The following COX7B2 variants were observed in gnomAD, a reference collection of about 807,000 sequenced individuals.
COX7B2 encodes the protein cytochrome c oxidase subunit 7B2, also known as cytochrome c oxidase subunit 7B2, mitochondrial.
For synonymous variants in COX7B2, 37 were observed against 32.1 expected (o/e 1.15, Z -0.51); for missense variants, 109 against 95.9 (o/e 1.14, Z -0.57).
intron 2 of COX7B2, among the ~76,000 whole-genome samples, chr4:46,817,216 T>G (rs1230815222): frequency 6.6e-6 from 1 of 152,144 alleles, no homozygotes; most frequent in Non-Finnish European, 1.5e-5. Flanking sequence ...TAGGAAGAAT[T>G]AGAAGGAAAG....
At position 46,863,782 on chromosome 4, in the gene COX7B2, C is replaced by T. The variant is rs557950933; in HGVS notation, c.-104-18768G>A. Among the ~76,000 whole-genome samples, 12 of 152,192 alleles carry T rather than the reference C, an allele frequency of 7.9e-5. No homozygotes were observed. The South Asian group carries it at 2.3e-3, about 29-fold the overall frequency. On this transcript the variant is annotated intron_variant, in intron 1 of 2. Transcript: ENST00000355591. Reference sequence around the variant, plus strand: ...ATTTTATCTTAGAGGTCTATAAAAGCAATGTTTTCCTCCAGGATAACTTGA... The same window carrying T: ...ATTTTATCTTAGAGGTCTATAAAAGTAATGTTTTCCTCCAGGATAACTTGA...
chr4:46,759,925 T>G (rs1341213918), intron 2 of COX7B2, among the ~76,000 whole-genome samples: 1 of 150,182 alleles, frequency 6.7e-6, no homozygotes, highest in Non-Finnish European at 1.5e-5. Context: ...GTTATATAAG[T>G]CTTATCTTAT....
intron 2 of COX7B2, among the ~76,000 whole-genome samples, chr4:46,752,433 T>C (rs1715443977): frequency 6.6e-6 from 1 of 152,114 alleles, no homozygotes; most frequent in Admixed American, 6.6e-5. Flanking sequence ...CTGATTACCC[T>C]GGCCAGAACT....
chr4:46,760,768 A>G (rs1486374200), intron 2 of COX7B2, among the ~76,000 whole-genome samples: 1 of 152,216 alleles, frequency 6.6e-6, no homozygotes, highest in Non-Finnish European at 1.5e-5. Context: ...ATAAATAATT[A>G]ACATTAAAAA....
At chr4:46,769,411 AG>A (rs1716740723) in intron 2 of COX7B2, among the ~76,000 whole-genome samples, 1 of 152,252 alleles carries the variant, frequency 6.6e-6, no homozygotes, top group African/African-American at 2.4e-5. Context: ...ATGTCTGCAA[AG>A]CAATAATATG....
chr4:46,803,969 G>A (rs1022697304), intron 2 of COX7B2, among the ~76,000 whole-genome samples: 6 of 151,986 alleles, frequency 3.9e-5, no homozygotes, highest in Admixed American at 1.3e-4. Context: ...ATGAAGCTGC[G>A]GACCCTTGCA....
intron 2 of COX7B2, among the ~76,000 whole-genome samples, chr4:46,823,397 A>G (rs1294632149): frequency 6.6e-6 from 1 of 151,670 alleles, no homozygotes; most frequent in African/African-American, 2.4e-5. Context: ...ATTTAAAATG[A>G]TAGAAATGAA....
At chr4:46,797,130 G>A (rs1284667122) in intron 2 of COX7B2, among the ~76,000 whole-genome samples, 3 of 131,126 alleles carry the variant, frequency 2.3e-5, no homozygotes, top group Admixed American at 8.0e-5. Context: ...AAAAAGGAGA[G>A]TCAGGGTTAT....
intron 2 of COX7B2, among the ~76,000 whole-genome samples, chr4:46,781,856 AGCATTACCTGCCCACGCGGGCCTCAGCC>A (rs1717475130): frequency 6.6e-6 from 1 of 152,230 alleles, no homozygotes; most frequent in South Asian, 2.1e-4. Flanking sequence ...GGGGTCCCTC[AGCATTACCTGCCCACGCGGGCCTCAGCC>A]GCCTCCCCGT....
At chr4:46,836,505 T>C (rs1442591953) in intron 2 of COX7B2, among the ~76,000 whole-genome samples, 4 of 151,996 alleles carry the variant, frequency 2.6e-5, no homozygotes, top group Non-Finnish European at 5.9e-5. Context: ...GTAACACACA[T>C]AGAGCTGTCA....
intron 2 of COX7B2, among the ~76,000 whole-genome samples, chr4:46,747,877 G>A (rs1033069790): frequency 1.3e-5 from 2 of 151,188 alleles, no homozygotes; most frequent in African/African-American, 2.4e-5. Flanking sequence ...TGTCTTTAAC[G>A]TTACTATGAA....
At chr4:46,740,460 G>A (rs1368440745) in intron 2 of COX7B2, among the ~76,000 whole-genome samples, 1 of 152,010 alleles carries the variant, frequency 6.6e-6, no homozygotes, top group Non-Finnish European at 1.5e-5. Context: ...TTACCCATAT[G>A]TAAGTTATTT....
At chr4:46,758,720 G>C (rs993065572) in intron 2 of COX7B2, among the ~76,000 whole-genome samples, 3 of 152,068 alleles carry the variant, frequency 2.0e-5, no homozygotes, top group African/African-American at 7.2e-5. Context: ...AATAAGCATA[G>C]GAGCGTAGCC....
chr4:46,779,007 C>T (rs373977914), intron 2 of COX7B2, among the ~76,000 whole-genome samples: 1 of 152,112 alleles, frequency 6.6e-6, no homozygotes, highest in African/African-American at 2.4e-5. Flanking sequence ...AAAATTTTTA[C>T]ATTCATTGAT....
At chr4:46,754,418 T>A (rs373990457) in intron 2 of COX7B2, among the ~76,000 whole-genome samples, 1 of 149,550 alleles carries the variant, frequency 6.7e-6, no homozygotes, top group Admixed American at 6.8e-5. Flanking sequence ...TTGTAGGGAC[T>A]TGGATGAAGC....
intron 2 of COX7B2, among the ~76,000 whole-genome samples, chr4:46,794,708 G>A (rs994488697): frequency 1.3e-5 from 2 of 152,190 alleles, no homozygotes; most frequent in Non-Finnish European, 2.9e-5. Context: ...AGGTGGGCAT[G>A]ATTACTATGA....
intron 2 of COX7B2, among the ~76,000 whole-genome samples, chr4:46,778,181 G>T (rs1717259954): frequency 1.3e-5 from 2 of 152,048 alleles, no homozygotes; most frequent in Non-Finnish European, 2.9e-5. Context: ...ATCAAATTCT[G>T]TGATAAGAAC....
At position 46,837,494 on chromosome 4, in the gene COX7B2, A is replaced by T. The variant is rs900222548; in HGVS notation, c.-50+7466T>A. 2.6e-5 allele frequency among the ~76,000 whole-genome samples: 4 copies of T among 152,124 alleles called. No individual in the cohort carries two copies. The East Asian group carries it at 7.7e-4, about 29-fold the overall frequency. ...TTCATAGTGACTAAAAGCACATTAC[A>T]TTGCCAGAATCTGTTGGGAAGGTAG... On this transcript the variant is annotated intron_variant, in intron 2 of 2. Coordinates refer to ENST00000355591, the MANE Select transcript of COX7B2 (RefSeq NM_130902.3).
intron 2 of COX7B2, among the ~76,000 whole-genome samples, chr4:46,819,722 C>A (rs930877591): frequency 2.0e-5 from 3 of 152,128 alleles, no homozygotes; most frequent in Non-Finnish European, 4.4e-5. Flanking sequence ...GTATATAATT[C>A]TACTTATTAC....
Sources: gnomAD v4.1 joint callset for allele counts (sites outside exome capture counted in the v4.1 genomes callset) on GRCh38, gnomAD v4.1.1 for gene constraint, MANE v1.5 for transcripts, NCBI Gene and HGNC (gene_info 2026-07-23, HGNC 2026-07-21) for gene names.